Variants in GLUD1 observed in about 807,000 individuals in gnomAD.
GLUD1 encodes the protein glutamate dehydrogenase 1.
GLUD1 carries 22 observed loss-of-function variants against 56.0 expected under a neutral mutation model. The observed-to-expected ratio is 0.39, with a 90% CI of 0.28 to 0.56. The LOEUF is 0.56. Ranked by LOEUF, GLUD1 falls within the 20% of genes least tolerant of loss-of-function variation. The pLI, the probability that GLUD1 is intolerant of heterozygous loss-of-function variation, is 0.58. For missense variants in GLUD1, 451 were observed against 732.0 expected (o/e 0.62, Z 4.43); for synonymous variants, 223 against 269.9 (o/e 0.83, Z 1.70).
In GLUD1 at chr10:87,062,791, T is replaced by C; in HGVS notation, c.786A>G (p.Gln262=). 1 of 1,614,184 alleles carries C rather than the reference T, an allele frequency of 6.2e-7. No homozygotes were observed. Among genetic ancestry groups the C allele is most frequent in the African/African-American group, 1.3e-5 (1 of 75,060 alleles). The change falls in exon 6 of 13, where the codon CAA becomes CAG. Residue 262 remains glutamine, a synonymous_variant. Transcript: ENST00000277865. ...CAGAGATGCGTCCATGGATTCCCCC[T>C]TGGCTGATGGGTTTACCAGTAACAC... ...HACVTGKPIS[Q]GGIHGRISAT... is the part of the protein sequence containing the mutation.
chr10:87,057,816 T>TA, intron 10 of GLUD1, 34 bp from the exon 11 acceptor site: 2 of 910,626 alleles, frequency 2.2e-6, no homozygotes, highest in Admixed American at 2.1e-5. Flanking sequence ...AAGATATTGC[T>TA]AACAGAAAAA....
chr10:87,066,956 TG>T (rs921759441), intron 5 of GLUD1, among the ~76,000 whole-genome samples: 2 of 152,202 alleles, frequency 1.3e-5, no homozygotes, highest in African/African-American at 4.8e-5. Flanking sequence ...TGACTCAGCC[TG>T]GTCCCTTTCC....
chr10:87,092,202 C>G (rs1292476575), intron 1 of GLUD1, among the ~76,000 whole-genome samples: 2 of 152,162 alleles, frequency 1.3e-5, no homozygotes. Context: ...TTTTGCTGAT[C>G]ATCTGTTTAG....
At chr10:87,069,129 C>T (rs879491764) in intron 4 of GLUD1, among the ~76,000 whole-genome samples, 20 of 151,782 alleles carry the variant, frequency 1.3e-4, no homozygotes, top group Non-Finnish European at 2.4e-4. Context: ...TTTTTCTCTT[C>T]CCTGCCATAT....
chr10:87,067,997 C>T, intron 5 of GLUD1, 66 bp downstream of exon 5: 1 of 904,152 alleles, frequency 1.1e-6, no homozygotes, highest in Non-Finnish European at 1.9e-6. Context: ...TTGATATAAT[C>T]AGTCAAACTG....
chr10:87,052,668 TCAA>T (rs1309885377), intron 12 of GLUD1, among the ~76,000 whole-genome samples: 731 of 16,544 alleles, frequency 0.044, 8 homozygotes, highest in African/African-American at 0.089. Flanking sequence ...AAACTCCGTC[TCAA>T]AAAAAAAAAA....
At chr10:87,073,466 T>C (rs1564773047) in intron 4 of GLUD1, among the ~76,000 whole-genome samples, 2 of 152,042 alleles carry the variant, frequency 1.3e-5, no homozygotes. Context: ...TATAGTTTAA[T>C]TTCATGGGAA....
At chr10:87,080,128 C>G (rs1335390648) in intron 1 of GLUD1, among the ~76,000 whole-genome samples, 3 of 151,898 alleles carry the variant, frequency 2.0e-5, no homozygotes, top group Non-Finnish European at 4.4e-5. Flanking sequence ...TTGGTGGAGA[C>G]GGGATTTCGC....
intron 6 of GLUD1, chr10:87,061,354 C>T (rs1378667975): frequency 2.1e-6 from 1 of 470,440 alleles, no homozygotes; most frequent in African/African-American, 2.0e-5. Context: ...GAAACCCCGT[C>T]TCTACTAAAA....
intron 2 of GLUD1, among the ~76,000 whole-genome samples, 172 bp from the exon 3 acceptor site, chr10:87,076,195 A>G (rs558958350): frequency 1.3e-5 from 2 of 152,318 alleles, no homozygotes; most frequent in African/African-American, 2.4e-5. Flanking sequence ...CATTTTGTTG[A>G]ACAGAAATTG....
chr10:87,091,061 T>C (rs1183009353), intron 1 of GLUD1, among the ~76,000 whole-genome samples: 1 of 152,188 alleles, frequency 6.6e-6, no homozygotes, highest in African/African-American at 2.4e-5. Context: ...AACTAGTTAC[T>C]GGATTAATAT....
intron 1 of GLUD1, among the ~76,000 whole-genome samples, chr10:87,077,154 G>A (rs751203753): frequency 7.2e-5 from 11 of 152,172 alleles, no homozygotes; most frequent in Middle Eastern, 3.4e-3. Flanking sequence ...GGGACCACAA[G>A]TGCACACCAC....
chr10:87,069,858 GACA>G (rs970476432), intron 4 of GLUD1, among the ~76,000 whole-genome samples: 8 of 21,624 alleles, frequency 3.7e-4, no homozygotes, highest in Admixed American at 2.1e-3. Context: ...AGTCAATGAC[GACA>G]ACAACAACAA....
Position 87,059,157 on chromosome 10 carries a change from G to A in GLUD1, c.1395C>T (p.His465=). Residue 465 remains histidine, a synonymous_variant, in exon 10 of 13, where the codon CAC becomes CAT. Coordinates refer to ENST00000277865, the MANE Select transcript of GLUD1 (RefSeq NM_005271.5). The stretch of plus-strand genomic sequence containing the variant: ...AAGATTATCGATACTCACTGAGCAA[G>A]TGGTAGTTAGAATCCCTTTCATATT... ...TFKYERDSNY[H]LLMSVQESLE... is the part of the protein sequence containing the mutation. 6.2e-7 allele frequency: 1 copy of A among 1,612,804 alleles called. No individual in the cohort carries two copies. The highest frequency in any genetic ancestry group is 1.1e-5 in the South Asian group (1 of 91,016).
chr10:87,051,965 C>T, intron 12 of GLUD1, 95 bp from the exon 13 acceptor site: 3 of 1,428,314 alleles, frequency 2.1e-6, no homozygotes, highest in South Asian at 2.3e-5. Flanking sequence ...CCAAGTTACC[C>T]TCTCATTGTT....
intron 8 of GLUD1, 69 bp from the exon 9 acceptor site, chr10:87,060,310 G>T (rs186024076): frequency 2.0e-6 from 2 of 997,754 alleles, no homozygotes; most frequent in Non-Finnish European, 3.2e-6. Context: ...GAGGGCAAGA[G>T]ATGTGCATAT....
chr10:87,062,517 C>T, intron 6 of GLUD1, 139 bp downstream of exon 6: 2 of 730,666 alleles, frequency 2.7e-6, no homozygotes, highest in South Asian at 3.4e-5. Flanking sequence ...AACAAAATAT[C>T]TATTACTCTG....
Position 87,094,211 on chromosome 10 carries a change from C to T in GLUD1, c.445+114G>A. 1.4e-6 allele frequency: 2 copies of T among 1,415,756 alleles called. No homozygotes were observed. Among genetic ancestry groups the T allele is most frequent in the Non-Finnish European group, 1.9e-6 (2 of 1,063,698 alleles). The allele number at this position is 1,415,756 out of a possible 1,614,324, so 87.7% of individuals were successfully genotyped here. ...CGGGGTGACCCGGGCGGGGACCCGG[C>T]CCGCTCCAGCTGGGCTGGGCTGGGC... On this transcript the variant is annotated intron_variant, in intron 1 of 12. Transcript: ENST00000277865. The surrounding 1 kb of genome is among the most constrained non-coding windows in gnomAD (Gnocchi z 6.6).
intron 4 of GLUD1, among the ~76,000 whole-genome samples, chr10:87,071,878 T>C (rs1846247628): frequency 1.3e-5 from 2 of 152,240 alleles, no homozygotes; most frequent in Admixed American, 6.5e-5. Context: ...TATGTAAGAC[T>C]TCTACAATGA....
Sources: gnomAD v4.1 joint callset for allele counts (sites outside exome capture counted in the v4.1 genomes callset) on GRCh38, gnomAD v4.1.1 for gene constraint, Gnocchi (gnomAD v3.1) non-coding constraint, MANE v1.5 for transcripts, NCBI Gene and HGNC (gene_info 2026-07-23, HGNC 2026-07-21) for gene names.